Variants in SLC2A13 observed in about 807,000 individuals in gnomAD.
SLC2A13 encodes the protein solute carrier family 2 member 13.
A neutral mutation model predicts 64.4 loss-of-function variants in SLC2A13; 32 were observed. The ratio of observed to expected loss-of-function variants is 0.50; its 90% CI spans 0.37 to 0.67. SLC2A13 has a LOEUF of 0.67. Ranked by LOEUF, SLC2A13 falls within the 30% of genes least tolerant of loss-of-function variation. SLC2A13 has a pLI of 0.00. For synonymous variants in SLC2A13, 338 were observed against 327.1 expected, an observed-to-expected ratio of 1.03 and a Z score of -0.36; for missense variants, 743 against 829.2, an observed-to-expected ratio of 0.90 and a Z score of 1.28.
In SLC2A13 at chr12:40,010,771, T is replaced by C. The variant is rs28370765; in HGVS notation, c.925+17530A>G. Among the ~76,000 whole-genome samples, 359 of 152,310 alleles carry C rather than the reference T, an allele frequency of 2.4e-3. 2 individuals carry two copies. The highest frequency in any genetic ancestry group is 8.3e-3 in the African/African-American group (345 of 41,554). ...TGTAATAGTTGATTCTACTGCCTAA[T>C]TACAGCAACCAGCACAATGGCATAA... On this transcript the variant is annotated intron_variant, in intron 3 of 9. Coordinates refer to ENST00000280871, the MANE Select transcript of SLC2A13 (RefSeq NM_052885.4).
chr12:39,966,338 T>G (rs1946515861), intron 3 of SLC2A13, among the ~76,000 whole-genome samples: 1 of 151,966 alleles, frequency 6.6e-6, no homozygotes, highest in African/African-American at 2.4e-5. Context: ...ATAAGGGAAG[T>G]GAGGTACCAC....
At chr12:39,978,673 C>T (rs982566410) in intron 3 of SLC2A13, among the ~76,000 whole-genome samples, 4 of 152,252 alleles carry the variant, frequency 2.6e-5, no homozygotes, top group Admixed American at 6.5e-5. Context: ...GAGGGTCCTA[C>T]GCCCACGGAA....
chr12:40,067,236 G>A (rs886187391), intron 1 of SLC2A13, among the ~76,000 whole-genome samples: 2 of 151,946 alleles, frequency 1.3e-5, no homozygotes, highest in Admixed American at 1.3e-4. Flanking sequence ...AGGGTCCTTC[G>A]CTGTGCTCAG....
Position 40,105,637 on chromosome 12 carries a change from C to T in SLC2A13, c.172G>A (p.Gly58Ser). The T allele has an allele frequency of 6.7e-7, 1 of 1,482,896 alleles. No individual in the cohort carries two copies. The highest frequency in any genetic ancestry group is 8.9e-7 in the Non-Finnish European group (1 of 1,120,746). 91.9% of individuals were successfully genotyped at this position (1,482,896 alleles called of 1,614,324 possible). A position where few individuals can be genotyped will look rare whatever the true frequency, so the allele number is the denominator to read the frequency against. ...CGCTCCAGGTCCCCGACGCCGCCGC[C>T]GCCCGCGCCCGCGCTCTGCAGGCTG... ...STSLQSAGAGGGGVGDLERAA... is the reference protein window; with the variant it reads ...STSLQSAGAGSGGVGDLERAA... The change falls in exon 1 of 10, where the codon GGC becomes AGC. Residue 58 changes from glycine (G) to serine (S), a missense_variant. By Grantham distance (56) the Gly-to-Ser change is moderately conservative. Transcript: ENST00000280871. The surrounding 1 kb of genome is among the most constrained non-coding windows in gnomAD (Gnocchi z 4.2).
chr12:40,050,292 G>GC (rs1227219555), intron 1 of SLC2A13, among the ~76,000 whole-genome samples: 1 of 152,108 alleles, frequency 6.6e-6, no homozygotes, highest in African/African-American at 2.4e-5. Context: ...TAGCCATGTA[G>GC]CCCCAGATTT....
chr12:40,062,874 A>G (rs1948446274), intron 1 of SLC2A13, among the ~76,000 whole-genome samples: 1 of 152,154 alleles, frequency 6.6e-6, no homozygotes, highest in Admixed American at 6.6e-5. Context: ...TGATGGAAGA[A>G]TAAGGAGCCA....
chr12:39,757,246 T>C lies in SLC2A13; in HGVS notation c.*2780A>G, dbSNP rs1939993382. On this transcript the variant is annotated 3_prime_UTR_variant, in exon 10 of 10. Transcript: ENST00000280871. ...ATATACCTCTATCAAATCTGCAGCATGTTTCAAAGGAAGTCTGTAATTTTG... is the reference window on the plus strand; with the variant it reads ...ATATACCTCTATCAAATCTGCAGCACGTTTCAAAGGAAGTCTGTAATTTTG... 1 of 151,808 alleles carries C rather than the reference T, an allele frequency of 6.6e-6. No homozygotes were observed. Among genetic ancestry groups the C allele is most frequent in the Non-Finnish European group, 1.5e-5 (1 of 67,710 alleles). 9.4% of individuals were successfully genotyped at this position (151,808 alleles called of 1,614,324 possible).
chr12:40,081,980 C>T (rs1480373889), intron 1 of SLC2A13, among the ~76,000 whole-genome samples: 1 of 152,180 alleles, frequency 6.6e-6, no homozygotes, highest in African/African-American at 2.4e-5. Context: ...AGGCTGTGTG[C>T]TCTAACCCTG....
chr12:39,783,306 T>C (rs1043476049), intron 7 of SLC2A13, among the ~76,000 whole-genome samples: 3 of 152,236 alleles, frequency 2.0e-5, no homozygotes, highest in African/African-American at 7.2e-5. Context: ...GTCTTTGCTA[T>C]TGTGAATAGT....
intron 7 of SLC2A13, among the ~76,000 whole-genome samples, chr12:39,806,325 T>C (rs1171282949): frequency 6.6e-6 from 1 of 152,212 alleles, no homozygotes; most frequent in African/African-American, 2.4e-5. Flanking sequence ...AATTGTAAGA[T>C]ATTCTTAACA....
intron 7 of SLC2A13, among the ~76,000 whole-genome samples, chr12:39,821,078 G>A (rs879440959): frequency 1.3e-5 from 2 of 151,876 alleles, no homozygotes; most frequent in Admixed American, 1.3e-4. Flanking sequence ...TCACTGCCCT[G>A]TACTATTATT....
intron 7 of SLC2A13, among the ~76,000 whole-genome samples, chr12:39,811,195 C>T (rs988177995): frequency 1.3e-5 from 2 of 152,002 alleles, no homozygotes; most frequent in African/African-American, 4.8e-5. Flanking sequence ...AGTTGGGTCT[C>T]CTTTTCTCCC....
At chr12:39,841,007 G>T (rs2135873357) in intron 6 of SLC2A13, among the ~76,000 whole-genome samples, 1 of 152,148 alleles carries the variant, frequency 6.6e-6, no homozygotes, top group South Asian at 2.1e-4. Context: ...ATCACACCAT[G>T]AATTGTTCCT....
chr12:40,046,563 A>T (rs1474088803), intron 2 of SLC2A13, among the ~76,000 whole-genome samples: 1 of 152,148 alleles, frequency 6.6e-6, no homozygotes, highest in Non-Finnish European at 1.5e-5. Flanking sequence ...TTGCATTTAC[A>T]AGAAAAACTC....
At chr12:40,019,786 G>A (rs1264469975) in intron 3 of SLC2A13, among the ~76,000 whole-genome samples, 6 of 152,092 alleles carry the variant, frequency 3.9e-5, no homozygotes, top group Non-Finnish European at 8.8e-5. Flanking sequence ...TCATTTTCAA[G>A]GAAGTACCTT....
intron 1 of SLC2A13, among the ~76,000 whole-genome samples, chr12:40,097,341 T>C (rs1234032112): frequency 6.6e-6 from 1 of 152,142 alleles, no homozygotes; most frequent in Non-Finnish European, 1.5e-5. Context: ...ACTCCAACAG[T>C]TTTAGTTTTG....
At chr12:39,854,146 G>A (rs1287144616) in intron 6 of SLC2A13, among the ~76,000 whole-genome samples, 1 of 151,558 alleles carries the variant, frequency 6.6e-6, no homozygotes, top group African/African-American at 2.4e-5. Flanking sequence ...GGAGGCAGGT[G>A]GACAGAACAA....
At chr12:40,100,970 A>AAT (rs1939129051) in intron 1 of SLC2A13, among the ~76,000 whole-genome samples, 1 of 3,236 alleles carries the variant, frequency 3.1e-4, no homozygotes, top group Admixed American at 3.7e-3. Context: ...CATCTCAGAC[A>AAT]AAAAAAAAAA....
At chr12:39,926,150 T>A (rs1945725122) in intron 4 of SLC2A13, among the ~76,000 whole-genome samples, 1 of 152,126 alleles carries the variant, frequency 6.6e-6, no homozygotes, top group South Asian at 2.1e-4. Context: ...GCAAAGAGAA[T>A]GAAAATGTCC....
Sources: gnomAD v4.1 joint callset for allele counts (sites outside exome capture counted in the v4.1 genomes callset) on GRCh38, gnomAD v4.1.1 for gene constraint, Gnocchi (gnomAD v3.1) non-coding constraint, MANE v1.5 for transcripts, NCBI Gene and HGNC (gene_info 2026-07-23, HGNC 2026-07-21) for gene names.